Variants in ZDHHC2 observed in about 807,000 individuals in gnomAD.
ZDHHC2 encodes palmitoyltransferase ZDHHC2.
A neutral mutation model predicts 55.6 loss-of-function variants in ZDHHC2; 51 were observed. That is an observed-to-expected ratio of 0.92 (90% CI 0.73 to 1.16). ZDHHC2 has a LOEUF of 1.16. Ranked by LOEUF, ZDHHC2 falls within the 50% of genes most tolerant of loss-of-function variation. The probability of loss-of-function intolerance (pLI) is 0.00; values close to 1 mark genes in which losing one functional copy is unlikely to be tolerated. For synonymous variants in ZDHHC2, 199 were observed against 152.9 expected (o/e 1.30, Z -2.22); for missense variants, 491 against 442.4 (o/e 1.11, Z -0.99).
chr8:17,197,404 G>A (rs1806373309), intron 4 of ZDHHC2, among the ~76,000 whole-genome samples, 178 bp from the exon 5 acceptor site: 1 of 152,122 alleles, frequency 6.6e-6, no homozygotes, highest in Non-Finnish European at 1.5e-5. Context: ...AGAGAACTGT[G>A]GCTGTAGGCA....
In ZDHHC2 at chr8:17,156,488, T is replaced by TCGGCCTCCGCTCGCAGCCG. The variant is rs1402427000; in HGVS notation, c.-234_-216dup. The TCGGCCTCCGCTCGCAGCCG allele has an allele frequency of 1.3e-5, 2 of 158,260 alleles. No homozygotes were observed. The highest frequency in any genetic ancestry group is 6.6e-5 in the Admixed American group (1 of 15,046). The allele number at this position is 158,260 out of a possible 1,614,324, so 9.8% of individuals were successfully genotyped here. On this transcript the variant is annotated 5_prime_UTR_variant, in exon 1 of 13. Coordinates refer to ENST00000262096, the MANE Select transcript of ZDHHC2 (RefSeq NM_016353.5). ...CGCCTCACCGCCCCCCTCCGCCTCC[T>TCGGCCTCCGCTCGCAGCCG]CGGCCTCCGCTCGCAGCCGCCGCCT...
rs576034579 is a variant in ZDHHC2, at chr8:17,210,573, AC to A, written c.950+95del. 1.2e-4 allele frequency: 137 copies of A among 1,104,086 alleles called. No homozygotes were observed. The African/African-American group carries it at 1.9e-3, about 15-fold the overall frequency. 68.4% of individuals were successfully genotyped at this position (1,104,086 alleles called of 1,614,324 possible). A position where few individuals can be genotyped will look rare whatever the true frequency, so the allele number is the denominator to read the frequency against. On this transcript the variant is annotated intron_variant, in intron 10 of 12. Coordinates refer to ENST00000262096, the MANE Select transcript of ZDHHC2 (RefSeq NM_016353.5). Reference sequence around the variant, plus strand: ...TATGTTCCTTTGAAAAAAAATGAAGACCATAAGAAAATTTACTGCAATGGTT... The same window carrying A: ...TATGTTCCTTTGAAAAAAAATGAAGACATAAGAAAATTTACTGCAATGGTT...
chr8:17,199,543 T>TTTG (rs1563161284), intron 6 of ZDHHC2, among the ~76,000 whole-genome samples: 13 of 37,604 alleles, frequency 3.5e-4, no homozygotes, highest in African/African-American at 1.1e-3. Context: ...TGTCTTCGTC[T>TTTG]TCTGTCTTCG....
At chr8:17,205,484 T>G (rs1304107469) in intron 6 of ZDHHC2, among the ~76,000 whole-genome samples, 171 bp from the exon 7 acceptor site, 2 of 152,208 alleles carry the variant, frequency 1.3e-5, no homozygotes, top group East Asian at 3.8e-4. Context: ...AAGCAGATTT[T>G]TTAGTGAAAT....
At chr8:17,164,272 A>G (rs1041907760) in intron 1 of ZDHHC2, among the ~76,000 whole-genome samples, 1 of 152,162 alleles carries the variant, frequency 6.6e-6, no homozygotes, top group Non-Finnish European at 1.5e-5. Context: ...TATTTGAGAG[A>G]TACTCACAAG....
intron 3 of ZDHHC2, among the ~76,000 whole-genome samples, chr8:17,188,725 C>G (rs1389943421): frequency 2.6e-5 from 4 of 152,174 alleles, no homozygotes; most frequent in Admixed American, 2.6e-4. Context: ...TAGCCTGGTG[C>G]TTGCTAATAA....
In ZDHHC2 at chr8:17,224,729, TTG is replaced by T. The variant is rs1754336124; in HGVS notation, c.*4512_*4513del. ...CAAGGCTATTTTGTCAGTTTAGATTTTGTGTCTTTTTCTGTCAGTATGTATGG... is the reference window on the plus strand; with the variant it reads ...CAAGGCTATTTTGTCAGTTTAGATTTTGTCTTTTTCTGTCAGTATGTATGG... On this transcript the variant is annotated 3_prime_UTR_variant, in exon 13 of 13. Transcript: ENST00000262096. The T allele has an allele frequency of 6.6e-6, 1 of 151,826 alleles. No homozygotes were observed. The highest frequency in any genetic ancestry group is 1.5e-5 in the Non-Finnish European group (1 of 67,756). The allele number at this position is 151,826 out of a possible 1,614,324, so 9.4% of individuals were successfully genotyped here.
At position 17,156,813 on chromosome 8, in the gene ZDHHC2, C is replaced by A; in HGVS notation, c.90C>A (p.Leu30=). The A allele has an allele frequency of 6.6e-7, 1 of 1,521,790 alleles. No homozygotes were observed. Among genetic ancestry groups the A allele is most frequent in the Non-Finnish European group, 8.8e-7 (1 of 1,133,350 alleles). 94.3% of individuals were successfully genotyped at this position (1,521,790 alleles called of 1,614,324 possible). ...WIPVVFITLL[L]GWSYYAYAIQ... Reference sequence around the variant, plus strand: ...CGGTGGTGTTCATCACCCTCCTGCTCGGCTGGTCCTACTACGCCTACGCCA... The same window carrying A: ...CGGTGGTGTTCATCACCCTCCTGCTAGGCTGGTCCTACTACGCCTACGCCA... The change falls in exon 1 of 13, where the codon CTC becomes CTA. Residue 30 remains leucine (L), a synonymous_variant. Coordinates refer to ENST00000262096, the MANE Select transcript of ZDHHC2 (RefSeq NM_016353.5).
At chr8:17,196,669 G>A (rs761713901) in intron 4 of ZDHHC2, among the ~76,000 whole-genome samples, 4 of 151,934 alleles carry the variant, frequency 2.6e-5, no homozygotes, top group Non-Finnish European at 4.4e-5. Context: ...TTGGGAGGCC[G>A]AGGCAGGTGG....
intron 6 of ZDHHC2, among the ~76,000 whole-genome samples, chr8:17,201,092 C>G (rs192548992): frequency 1.3e-5 from 2 of 152,248 alleles, no homozygotes; most frequent in East Asian, 1.9e-4. Context: ...ATAAAAAAGT[C>G]TATAGGTAAT....
intron 1 of ZDHHC2, among the ~76,000 whole-genome samples, chr8:17,173,537 G>T (rs539377892): frequency 1.3e-5 from 2 of 151,970 alleles, no homozygotes; most frequent in African/African-American, 2.4e-5. Context: ...TTATAAATTA[G>T]GAGGGCATGG....
At chr8:17,174,315 T>C (rs1805017108) in intron 1 of ZDHHC2, among the ~76,000 whole-genome samples, 1 of 152,186 alleles carries the variant, frequency 6.6e-6, no homozygotes, top group African/African-American at 2.4e-5. Flanking sequence ...TGTGAGAACA[T>C]AGATTTCTAT....
Position 17,217,217 on chromosome 8 carries a change from TCAAG to T in ZDHHC2, c.*10_*13del. On this transcript the variant is annotated 3_prime_UTR_variant, in exon 12 of 13. Coordinates refer to ENST00000262096, the MANE Select transcript of ZDHHC2 (RefSeq NM_016353.5). ...ACCATGGAAAATGAGACTTAACTCT[TCAAG>T]CAAGATAAATTCATACTTTATAAAA... The T allele has an allele frequency of 6.2e-7, 1 of 1,609,830 alleles. No individual in the cohort carries two copies. Among genetic ancestry groups the T allele is most frequent in the Non-Finnish European group, 8.5e-7 (1 of 1,177,676 alleles).
intron 3 of ZDHHC2, among the ~76,000 whole-genome samples, chr8:17,194,299 T>C (rs1440546073): frequency 1.3e-5 from 2 of 149,486 alleles, no homozygotes; most frequent in African/African-American, 2.4e-5. Context: ...AATTGTAAAA[T>C]ATTTTATACA....
At chr8:17,168,097 C>G (rs1252465109) in intron 1 of ZDHHC2, among the ~76,000 whole-genome samples, 3 of 152,158 alleles carry the variant, frequency 2.0e-5, no homozygotes, top group Non-Finnish European at 4.4e-5. Context: ...GAGATAGATA[C>G]ATGTATCAAG....
chr8:17,217,335 T>A, intron 12 of ZDHHC2, 89 bp downstream of exon 12: 1 of 959,912 alleles, frequency 1.0e-6, no homozygotes, highest in Non-Finnish European at 1.5e-6. Context: ...TTTTTAATAA[T>A]TTGTGAGTGA....
chr8:17,184,371 C>G (rs1405910145), intron 1 of ZDHHC2, among the ~76,000 whole-genome samples: 2 of 152,204 alleles, frequency 1.3e-5, no homozygotes, highest in African/African-American at 4.8e-5. Context: ...ACATTTTATT[C>G]TTTGTGGAAA....
In ZDHHC2 at chr8:17,210,199, C is replaced by G. The variant is rs921795775; in HGVS notation, c.857+141C>G. On this transcript the variant is annotated intron_variant, in intron 9 of 12. Transcript: ENST00000262096. ...TTTTAAAAAATATTATTCTATGATT[C>G]ACCATAATATCAGTGTGGAAGTCAG... 13 of 1,131,078 alleles carry G rather than the reference C, an allele frequency of 1.1e-5. No individual in the cohort carries two copies. The African/African-American group carries it at 1.7e-4, about 15-fold the overall frequency. 70.1% of individuals were successfully genotyped at this position (1,131,078 alleles called of 1,614,324 possible). A position where few individuals can be genotyped will look rare whatever the true frequency, so the allele number is the denominator to read the frequency against.
At chr8:17,184,272 T>C (rs923032894) in intron 1 of ZDHHC2, among the ~76,000 whole-genome samples, 6 of 152,342 alleles carry the variant, frequency 3.9e-5, no homozygotes, top group Admixed American at 1.3e-4. Flanking sequence ...GCCTGGCCTT[T>C]CGTTGTGCAA....
Sources: gnomAD v4.1 joint callset for allele counts (sites outside exome capture counted in the v4.1 genomes callset) on GRCh38, gnomAD v4.1.1 for gene constraint, MANE v1.5 for transcripts, NCBI Gene and HGNC (gene_info 2026-07-23, HGNC 2026-07-21) for gene names.